KCNIP4: variants seen among roughly 807,000 people sequenced by gnomAD.
The protein encoded by KCNIP4 is potassium voltage-gated channel interacting protein 4, also known as Kv channel-interacting protein 4.
A neutral mutation model predicts 34.0 loss-of-function variants in KCNIP4; 12 were observed. That is an observed-to-expected ratio of 0.35 (90% CI 0.23 to 0.57). The LOEUF is 0.57. KCNIP4 is among the 20% of genes least tolerant of loss of function. The pLI is 0.83. For synonymous variants in KCNIP4, 124 were observed against 102.2 expected (o/e 1.21, Z -1.29); for missense variants, 238 against 311.7 (o/e 0.76, Z 1.78).
intron 1 of KCNIP4, among the ~76,000 whole-genome samples, chr4:21,018,435 G>A (rs905176820): frequency 2.0e-5 from 3 of 152,268 alleles, no homozygotes; most frequent in East Asian, 1.9e-4. Flanking sequence ...AATCTGGGTC[G>A]TGGCTCCTGT....
intron 3 of KCNIP4, among the ~76,000 whole-genome samples, chr4:20,829,481 A>G (rs1718161515): frequency 6.6e-6 from 1 of 152,156 alleles, no homozygotes; most frequent in South Asian, 2.1e-4. Flanking sequence ...TGTTGGGATT[A>G]CAGGCGTGAG....
chr4:21,305,288 C>A (rs915547525), intron 1 of KCNIP4, among the ~76,000 whole-genome samples: 2 of 152,142 alleles, frequency 1.3e-5, no homozygotes. Context: ...ACTCCAGGGA[C>A]AGACTGCTGG....
At chr4:21,687,493 T>C (rs1479727867) in intron 1 of KCNIP4, among the ~76,000 whole-genome samples, 1 of 152,140 alleles carries the variant, frequency 6.6e-6, no homozygotes, top group African/African-American at 2.4e-5. Flanking sequence ...ACCAGTATGG[T>C]CTAGGCACTG....
At chr4:21,795,597 TTGTC>T (rs1489317233) in intron 1 of KCNIP4, among the ~76,000 whole-genome samples, 3 of 152,226 alleles carry the variant, frequency 2.0e-5, no homozygotes, top group Non-Finnish European at 4.4e-5. Context: ...CTCATTGGAA[TTGTC>T]TGTCTATTTT....
chr4:21,750,735 T>C (rs1329984877), intron 1 of KCNIP4, among the ~76,000 whole-genome samples: 2 of 152,150 alleles, frequency 1.3e-5, no homozygotes, highest in Non-Finnish European at 2.9e-5. Flanking sequence ...CCTTACAAAC[T>C]GTATTTTCCA....
intron 1 of KCNIP4, among the ~76,000 whole-genome samples, chr4:20,931,179 A>ACG (rs912881752): frequency 1.4e-5 from 2 of 139,542 alleles, no homozygotes; most frequent in African/African-American, 5.0e-5. Context: ...AATGTGGTAC[A>ACG]CACACACACA....
chr4:21,216,513 G>C (rs946000570), intron 1 of KCNIP4, among the ~76,000 whole-genome samples: 1 of 152,180 alleles, frequency 6.6e-6, no homozygotes, highest in Non-Finnish European at 1.5e-5. Context: ...TCCTAGGCCA[G>C]ATTATTTAAT....
At chr4:21,058,913 C>A (rs1008774466) in intron 1 of KCNIP4, among the ~76,000 whole-genome samples, 9 of 152,016 alleles carry the variant, frequency 5.9e-5, no homozygotes, top group Admixed American at 1.3e-4. Flanking sequence ...AATTGTAGCT[C>A]CCATAATTCT....
chr4:21,600,938 A>G (rs535525920), intron 1 of KCNIP4, among the ~76,000 whole-genome samples: 3 of 152,156 alleles, frequency 2.0e-5, no homozygotes, highest in South Asian at 4.1e-4. Context: ...ATCCAATATC[A>G]CCAACACAAA....
At chr4:21,573,426 T>C (rs1233418851) in intron 1 of KCNIP4, among the ~76,000 whole-genome samples, 4 of 152,190 alleles carry the variant, frequency 2.6e-5, no homozygotes, top group African/African-American at 9.6e-5. Flanking sequence ...ATTTATCTTG[T>C]ATTTGTGTTC....
In KCNIP4 at chr4:21,293,088, C is replaced by T. The variant is rs4099477; in HGVS notation, c.62-410379G>A. Among the ~76,000 whole-genome samples, 953 of 152,236 alleles carry T rather than the reference C, an allele frequency of 6.3e-3. 39 individuals carry two copies. In the East Asian group the frequency reaches 0.13, roughly 21 times the overall value. On this transcript the variant is annotated intron_variant, in intron 1 of 8. Transcript: ENST00000382152. ...CATGGATAGATAACCATATGTAAAA[C>T]AAATGATAATAAATAGGAGATAATA...
intron 1 of KCNIP4, among the ~76,000 whole-genome samples, chr4:20,932,582 T>A (rs1404396248): frequency 6.6e-6 from 1 of 152,086 alleles, no homozygotes; most frequent in Non-Finnish European, 1.5e-5. Context: ...CACCCAAAGA[T>A]AACTATGCGA....
intron 1 of KCNIP4, among the ~76,000 whole-genome samples, chr4:21,286,084 A>G (rs1001167773): frequency 4.6e-5 from 7 of 152,168 alleles, no homozygotes; most frequent in African/African-American, 1.4e-4. Flanking sequence ...TTACATGTAG[A>G]TACACAGGGG....
intron 2 of KCNIP4, among the ~76,000 whole-genome samples, chr4:20,878,583 T>C (rs955325042): frequency 6.6e-6 from 1 of 152,222 alleles, no homozygotes; most frequent in Admixed American, 6.5e-5. Context: ...TCCAGGAAGG[T>C]AGTAAACTGT....
At chr4:20,817,412 C>G (rs1716545523) in intron 3 of KCNIP4, among the ~76,000 whole-genome samples, 1 of 152,172 alleles carries the variant, frequency 6.6e-6, no homozygotes. Flanking sequence ...AAACCCAGCT[C>G]CACGCTGCTC....
chr4:20,791,739 G>A (rs1218066821), intron 3 of KCNIP4, among the ~76,000 whole-genome samples: 1 of 152,102 alleles, frequency 6.6e-6, no homozygotes, highest in Non-Finnish European at 1.5e-5. Context: ...TAGATATTTG[G>A]TCATACTCTA....
At chr4:21,571,116 C>A (rs1174636526) in intron 1 of KCNIP4, among the ~76,000 whole-genome samples, 1 of 152,180 alleles carries the variant, frequency 6.6e-6, no homozygotes. Flanking sequence ...TGAGCCATTT[C>A]TCTAAGTTCT....
intron 1 of KCNIP4, among the ~76,000 whole-genome samples, chr4:21,383,311 C>CT (rs60077866): frequency 1.7e-4 from 25 of 149,790 alleles, no homozygotes; most frequent in African/African-American, 3.7e-4. Flanking sequence ...AGTTATAAAT[C>CT]TTTTTTTTTT....
At chr4:21,712,489 A>G (rs1713810413) in intron 1 of KCNIP4, among the ~76,000 whole-genome samples, 1 of 152,188 alleles carries the variant, frequency 6.6e-6, no homozygotes, top group Non-Finnish European at 1.5e-5. Context: ...AGGGCTGCTT[A>G]TCTCCTGGGA....
Sources: gnomAD v4.1 joint callset for allele counts (sites outside exome capture counted in the v4.1 genomes callset) on GRCh38, gnomAD v4.1.1 for gene constraint, MANE v1.5 for transcripts, NCBI Gene and HGNC (gene_info 2026-07-23, HGNC 2026-07-21) for gene names.